The following CLIP2 variants were observed in gnomAD, a reference collection of about 807,000 sequenced individuals.
CLIP2 encodes CAP-Gly domain-containing linker protein 2.
A neutral mutation model predicts 111.7 loss-of-function variants in CLIP2; 41 were observed. That is an observed-to-expected ratio of 0.37 (90% CI 0.29 to 0.48). The LOEUF (loss-of-function observed/expected upper bound fraction) is 0.48. CLIP2 is among the 20% of genes least tolerant of loss of function. The probability of loss-of-function intolerance (pLI) is 0.99; values close to 1 mark genes in which losing one functional copy is unlikely to be tolerated. For synonymous variants in CLIP2, 660 were observed against 644.2 expected (o/e 1.02, Z -0.37); for missense variants, 1,160 against 1,422.1 (o/e 0.82, Z 2.96).
intron 1 of CLIP2, among the ~76,000 whole-genome samples, chr7:74,298,063 C>T (rs1255855102): frequency 3.3e-5 from 5 of 152,024 alleles, no homozygotes; most frequent in Admixed American, 6.6e-5. Flanking sequence ...GCTGCACCCA[C>T]GGTCCGGTGC....
chr7:74,381,478 T>C lies in CLIP2; in HGVS notation c.2479+615T>C, dbSNP rs187251754. 172 of 393,778 alleles carry C rather than the reference T, an allele frequency of 4.4e-4. 1 individual carries two copies. Among genetic ancestry groups the C allele is most frequent in the Middle Eastern group, 1.4e-3 (4 of 2,866 alleles). The allele number at this position is 393,778 out of a possible 1,614,324, so 24.4% of individuals were successfully genotyped here. Reference sequence around the variant, plus strand: ...TTGGGATTACAGGCATGAGCCACCGTGCCTAGCTGGTTTAAACTTTAAAAA... The same window carrying C: ...TTGGGATTACAGGCATGAGCCACCGCGCCTAGCTGGTTTAAACTTTAAAAA... On this transcript the variant is annotated intron_variant, in intron 11 of 16. Coordinates refer to ENST00000223398, the MANE Select transcript of CLIP2 (RefSeq NM_003388.5).
intron 3 of CLIP2, among the ~76,000 whole-genome samples, chr7:74,344,080 C>G (rs573918334): frequency 6.6e-6 from 1 of 152,262 alleles, no homozygotes; most frequent in East Asian, 1.9e-4. Context: ...AGATTGCTCC[C>G]TGGATTGGGG....
intron 2 of CLIP2, among the ~76,000 whole-genome samples, chr7:74,323,962 G>A (rs1388878482): frequency 6.6e-6 from 1 of 152,048 alleles, no homozygotes; most frequent in Non-Finnish European, 1.5e-5. Context: ...TTTCCTTCCA[G>A]TCTTTTTTCC....
chr7:74,296,203 A>G (rs1379600602), intron 1 of CLIP2, among the ~76,000 whole-genome samples: 4 of 152,042 alleles, frequency 2.6e-5, no homozygotes, highest in Admixed American at 1.3e-4. Flanking sequence ...AGGCCTCCGA[A>G]AAAAACAACC....
At chr7:74,329,708 C>CA (rs1164783837) in intron 2 of CLIP2, among the ~76,000 whole-genome samples, 1 of 87,486 alleles carries the variant, frequency 1.1e-5, no homozygotes, top group Non-Finnish European at 3.3e-5. Flanking sequence ...GTTCATCACA[C>CA]ATTCACTTCA....
At chr7:74,341,967 C>T (rs1183455124) in intron 3 of CLIP2, among the ~76,000 whole-genome samples, 3 of 152,116 alleles carry the variant, frequency 2.0e-5, no homozygotes, top group Non-Finnish European at 4.4e-5. Flanking sequence ...GGGAGGCTGC[C>T]CCGAGGAATG....
At chr7:74,323,054 A>C (rs1789005782) in intron 2 of CLIP2, among the ~76,000 whole-genome samples, 1 of 150,740 alleles carries the variant, frequency 6.6e-6, no homozygotes, top group Non-Finnish European at 1.5e-5. Context: ...ACTTATTTTT[A>C]CTGTACCTTT....
At chr7:74,324,408 C>T (rs1390054743) in intron 2 of CLIP2, among the ~76,000 whole-genome samples, 1 of 152,204 alleles carries the variant, frequency 6.6e-6, no homozygotes, top group East Asian at 1.9e-4. Flanking sequence ...GAATGGTTCC[C>T]TGGAGGGAAC....
At chr7:74,382,262 T>C (rs1790965939) in intron 11 of CLIP2, among the ~76,000 whole-genome samples, 1 of 149,618 alleles carries the variant, frequency 6.7e-6, no homozygotes, top group South Asian at 2.1e-4. Flanking sequence ...TTTTGTATTT[T>C]TTTTTTTAGT....
intron 1 of CLIP2, among the ~76,000 whole-genome samples, chr7:74,300,778 T>A (rs943853662): frequency 6.6e-6 from 1 of 152,190 alleles, no homozygotes; most frequent in Non-Finnish European, 1.5e-5. Context: ...TTTTGATGGC[T>A]GAGTGGCATT....
At chr7:74,295,989 CAAAAAAAA>C (rs368834820) in intron 1 of CLIP2, among the ~76,000 whole-genome samples, 1 of 70,994 alleles carries the variant, frequency 1.4e-5, no homozygotes, top group African/African-American at 4.1e-5. Context: ...ACCCTGTCTC[CAAAAAAAA>C]AAAAAAAAAA....
chr7:74,373,051 G>T lies in CLIP2; in HGVS notation c.1485+15G>T, dbSNP rs782431641. On this transcript the variant is annotated intron_variant, in intron 9 of 16. Coordinates refer to ENST00000223398, the MANE Select transcript of CLIP2 (RefSeq NM_003388.5). ...CGGACAACAGGGTAACCGCGCCACC[G>T]CACCCGCCTGGCCCGCCAGCCACCT... 2.0e-5 allele frequency: 31 copies of T among 1,531,648 alleles called. No individual in the cohort carries two copies. The highest frequency in any genetic ancestry group is 2.7e-5 in the Non-Finnish European group (31 of 1,131,636). 94.9% of individuals were successfully genotyped at this position (1,531,648 alleles called of 1,614,324 possible). A position where few individuals can be genotyped will look rare whatever the true frequency, so the allele number is the denominator to read the frequency against.
At chr7:74,392,327 G>C (rs1388904057) in intron 13 of CLIP2, among the ~76,000 whole-genome samples, 2 of 150,748 alleles carry the variant, frequency 1.3e-5, no homozygotes, top group Non-Finnish European at 3.0e-5. Flanking sequence ...CTCCAGCCTG[G>C]GCGACAGAGT....
At chr7:74,350,708 A>C (rs1291104155) in intron 3 of CLIP2, among the ~76,000 whole-genome samples, 1 of 151,916 alleles carries the variant, frequency 6.6e-6, no homozygotes, top group African/African-American at 2.4e-5. Flanking sequence ...CTACTAGAAA[A>C]TGTTCAAAAA....
chr7:74,343,645 C>G (rs1789722436), intron 3 of CLIP2, among the ~76,000 whole-genome samples: 1 of 151,510 alleles, frequency 6.6e-6, no homozygotes, highest in Non-Finnish European at 1.5e-5. Flanking sequence ...GTAATCTCAG[C>G]ACTTTGGGAG....
chr7:74,312,742 G>C (rs1399466121), intron 1 of CLIP2, among the ~76,000 whole-genome samples: 1 of 152,142 alleles, frequency 6.6e-6, no homozygotes, highest in Non-Finnish European at 1.5e-5. Context: ...AGCCCTGAGG[G>C]CCAGGGCTGG....
At chr7:74,315,533 C>T (rs535651844) in intron 1 of CLIP2, among the ~76,000 whole-genome samples, 41 of 151,992 alleles carry the variant, frequency 2.7e-4, no homozygotes, top group Middle Eastern at 6.3e-3. Context: ...ACATGAGCTA[C>T]CACACCTGGC....
chr7:74,309,121 G>A (rs762799347), intron 1 of CLIP2, among the ~76,000 whole-genome samples: 3 of 151,854 alleles, frequency 2.0e-5, no homozygotes, highest in Non-Finnish European at 2.9e-5. Context: ...CACCCACCTC[G>A]GCCTCCCAAA....
intron 9 of CLIP2, among the ~76,000 whole-genome samples, chr7:74,374,945 A>C (rs1298331351): frequency 2.6e-5 from 4 of 152,090 alleles, no homozygotes; most frequent in Non-Finnish European, 5.9e-5. Flanking sequence ...TTAAGCATTA[A>C]ACTGGACCCT....
Sources: allele counts gnomAD v4.1 joint callset (sites outside exome capture counted in the v4.1 genomes callset), GRCh38; gene constraint gnomAD v4.1.1; transcripts MANE v1.5; gene names NCBI Gene and HGNC (gene_info 2026-07-23, HGNC 2026-07-21).